The following ANK2 variants were observed in gnomAD, a reference collection of about 807,000 sequenced individuals.
ANK2 encodes the protein ankyrin-2.
In ANK2, 83 loss-of-function variants were observed where a neutral mutation model predicts 360.5. That is an observed-to-expected ratio of 0.23 (90% CI 0.19 to 0.28). ANK2 has a LOEUF of 0.28. Among genes scored for constraint, ANK2 ranks in the 10% least tolerant of loss-of-function variants. The pLI is 1.00. For synonymous variants in ANK2, 1,740 were observed against 1,759.5 expected (o/e 0.99, Z 0.28); for missense variants, 4,201 against 4,795.7 (o/e 0.88, Z 3.66).
At chr4:112,977,348 A>C (rs894989454) in intron 2 of ANK2, among the ~76,000 whole-genome samples, 2 of 152,236 alleles carry the variant, frequency 1.3e-5, no homozygotes, top group African/African-American at 4.8e-5. Context: ...GGGTACAACT[A>C]ATTAGAAAGT....
At chr4:113,201,495 C>G (rs1562844926) in intron 4 of ANK2, among the ~76,000 whole-genome samples, 1 of 152,162 alleles carries the variant, frequency 6.6e-6, no homozygotes, top group African/African-American at 2.4e-5. Context: ...ATAGATTCAA[C>G]TACATGACTG....
At chr4:112,894,167 A>ATTTT (rs2081040788) in intron 1 of ANK2, among the ~76,000 whole-genome samples, 5 of 151,772 alleles carry the variant, frequency 3.3e-5, no homozygotes, top group African/African-American at 1.2e-4. Context: ...CTTCTTTTAA[A>ATTTT]AAAAAAAATC....
chr4:113,193,715 T>C, intron 2 of ANK2, among the ~76,000 whole-genome samples: 1 of 152,184 alleles, frequency 6.6e-6, no homozygotes, highest in East Asian at 1.9e-4. Flanking sequence ...CTGAAGTCCA[T>C]TCAGAGTGGT....
At chr4:112,781,685 T>C in the ANK2 span, among the ~76,000 whole-genome samples, 1 of 152,160 alleles carries the variant, frequency 6.6e-6, no homozygotes, top group Non-Finnish European at 1.5e-5. Flanking sequence ...GTTCATTTTA[T>C]AAAAATTCAT....
intron 4 of ANK2, among the ~76,000 whole-genome samples, chr4:113,220,088 A>T (rs117900159): frequency 6.6e-6 from 1 of 152,196 alleles, no homozygotes; most frequent in South Asian, 2.1e-4. Flanking sequence ...GTTTATCCTC[A>T]CCTGGCTTTC....
At chr4:113,286,260 A>G (rs756476741) in intron 18 of ANK2, among the ~76,000 whole-genome samples, 16 of 152,228 alleles carry the variant, frequency 1.1e-4, no homozygotes, top group Non-Finnish European at 2.1e-4. Context: ...CACATTTTTT[A>G]TACATTAGGA....
Position 113,154,007 on chromosome 4 carries a change from C to G in ANK2, c.85-20409C>G, listed in dbSNP as rs184377067. ...CATAAGAGCATAAAAGTAGAAGAAA[C>G]CCTTCACATTTTATTAAGCTTCTTC... On this transcript the variant is annotated intron_variant, in intron 1 of 45. Transcript: ENST00000357077. Among the ~76,000 whole-genome samples, 69 of 152,168 alleles carry G rather than the reference C, an allele frequency of 4.5e-4. 1 individual carries two copies. In the East Asian group the frequency reaches 0.013, roughly 29 times the overall value.
the ANK2 span, among the ~76,000 whole-genome samples, chr4:112,792,344 A>G: frequency 6.6e-6 from 1 of 152,068 alleles, no homozygotes; most frequent in Non-Finnish European, 1.5e-5. Context: ...CCCTGCGACA[A>G]CACATCCTTA....
chr4:112,880,313 G>A (rs576347146), intron 1 of ANK2: 3 of 152,006 alleles, frequency 2.0e-5, no homozygotes, highest in South Asian at 2.1e-4. Flanking sequence ...TATTTCCATC[G>A]TTACAGAAAA....
At position 113,253,947 on chromosome 4, in the gene ANK2, T is replaced by C. The variant is rs371358543; in HGVS notation, c.991-1788T>C. On this transcript the variant is annotated intron_variant, in intron 10 of 45. Coordinates refer to ENST00000357077, the MANE Select transcript of ANK2 (RefSeq NM_001148.6). The stretch of plus-strand genomic sequence containing the variant: ...CCCCTTATCCATCCTCCTCAATCAC[T>C]TGCCTTAAACCACATTCTTCTCCTT... Among the ~76,000 whole-genome samples, 15 of 152,328 alleles carry C rather than the reference T, an allele frequency of 9.8e-5. No homozygotes were observed. In the East Asian group the frequency reaches 2.5e-3, roughly 25 times the overall value.
the ANK2 span, among the ~76,000 whole-genome samples, chr4:112,720,183 A>C: frequency 1.3e-5 from 2 of 152,100 alleles, no homozygotes; most frequent in Admixed American, 6.6e-5. Flanking sequence ...TTCTTCCCAG[A>C]CCAATTATCC....
At chr4:113,238,452 T>C (rs1318838839) in intron 7 of ANK2, among the ~76,000 whole-genome samples, 1 of 152,194 alleles carries the variant, frequency 6.6e-6, no homozygotes, top group Non-Finnish European at 1.5e-5. Context: ...CAGGGTATAC[T>C]TGAATTATTT....
At position 113,345,950 on chromosome 4, in the gene ANK2, G is replaced by T. The variant is rs755562417; in HGVS notation, c.4299G>T (p.Glu1433Asp). The T allele has an allele frequency of 4.3e-6, 7 of 1,613,530 alleles. No homozygotes were observed. The African/African-American group carries it at 9.3e-5, about 22-fold the overall frequency. ...GCGGACGACTATCATTTATGAAGGA[G>T]CCAAAATCCACGAGAGGCCTGGTGC... ...EPCGRLSFMK[E>D]PKSTRGLVHQ... The change falls in exon 35 of 46, where the codon GAG becomes GAT. Residue 1433 changes from glutamate to aspartate, a missense_variant. By Grantham distance (45) the Glu-to-Asp change is conservative. Around this residue, in one of 4 missense-constraint regions of ANK2, gnomAD observed 1,268 missense variants for 1,650.8 expected, o/e 0.77. Coordinates refer to ENST00000357077, the MANE Select transcript of ANK2 (RefSeq NM_001148.6).
chr4:113,048,406 C>A (rs946355454), upstream of ANK2, among the ~76,000 whole-genome samples: 1 of 143,206 alleles, frequency 7.0e-6, no homozygotes, highest in Non-Finnish European at 1.5e-5. Context: ...AATTCTCCTG[C>A]CCCAGCCTCC....
chr4:112,898,991 A>G (rs1361080349), intron 1 of ANK2, among the ~76,000 whole-genome samples: 1 of 152,116 alleles, frequency 6.6e-6, no homozygotes, highest in Non-Finnish European at 1.5e-5. Flanking sequence ...CGAGGAGGGT[A>G]TTTCCAGCAT....
chr4:112,969,989 A>AT (rs1047746384), intron 2 of ANK2, among the ~76,000 whole-genome samples: 81 of 148,390 alleles, frequency 5.5e-4, no homozygotes, highest in African/African-American at 9.8e-4. Context: ...TAATTTTATT[A>AT]TTTTTTTTTT....
At chr4:112,712,468 C>CG in the ANK2 span, among the ~76,000 whole-genome samples, 1 of 135,034 alleles carries the variant, frequency 7.4e-6, no homozygotes, top group Non-Finnish European at 1.5e-5. Context: ...AGTGCAGTGG[C>CG]GTGATCTCGG....
intron 14 of ANK2, among the ~76,000 whole-genome samples, chr4:113,272,317 C>T (rs62313217): frequency 3.8e-4 from 58 of 152,304 alleles, no homozygotes; most frequent in Middle Eastern, 3.4e-3. Context: ...GGAATTGTTG[C>T]CTCTCATTTT....
chr4:113,337,174 A>T (rs1198002138), intron 31 of ANK2, among the ~76,000 whole-genome samples: 2 of 152,204 alleles, frequency 1.3e-5, no homozygotes, highest in African/African-American at 2.4e-5. Flanking sequence ...CATTGAAGAG[A>T]TCACTAAATC....
Sources: gnomAD v4.1 joint callset for allele counts (sites outside exome capture counted in the v4.1 genomes callset) on GRCh38, gnomAD v4.1.1 for gene constraint, gnomAD v4.1.1 regional missense constraint, MANE v1.5 for transcripts, NCBI Gene and HGNC (gene_info 2026-07-23, HGNC 2026-07-21) for gene names.